Variants in GMDS observed in about 807,000 individuals in gnomAD.
GMDS encodes GDP-mannose 4,6-dehydratase, also known as GDP-mannose 4,6 dehydratase.
A neutral mutation model predicts 49.9 loss-of-function variants in GMDS; 20 were observed. The observed-to-expected ratio is 0.40, with a 90% CI of 0.28 to 0.58. The LOEUF (loss-of-function observed/expected upper bound fraction) is 0.58. Ranked by LOEUF, GMDS falls within the 20% of genes least tolerant of loss-of-function variation. The pLI is 0.42. For synonymous variants in GMDS, 177 were observed against 178.6 expected (o/e 0.99, Z 0.07); for missense variants, 362 against 481.4 (o/e 0.75, Z 2.32).
rs1356839222 is a variant in GMDS, at chr6:1,859,104, C to T, written c.771+70999G>A. On this transcript the variant is annotated intron_variant, in intron 7 of 10. Coordinates refer to ENST00000380815, the MANE Select transcript of GMDS (RefSeq NM_001500.4). ...ACAGAGATGGTGCTTCCAGCCAGCC[C>T]TGGCAGTAGCTGATTGACTAGCAAA... Among the ~76,000 whole-genome samples the T allele has an allele frequency of 2.0e-5, 3 of 152,172 alleles. No homozygotes were observed. In the East Asian group the frequency reaches 5.8e-4, roughly 29 times the overall value.
chr6:1,908,426 T>C (rs1760886631), intron 7 of GMDS, among the ~76,000 whole-genome samples: 1 of 152,220 alleles, frequency 6.6e-6, no homozygotes, highest in Admixed American at 6.5e-5. Flanking sequence ...CTAATGTTTC[T>C]CTGTCCCAAG....
chr6:2,170,128 G>A (rs576469642), intron 1 of GMDS, among the ~76,000 whole-genome samples: 30 of 152,000 alleles, frequency 2.0e-4, no homozygotes, highest in African/African-American at 6.8e-4. Context: ...GCTTGAACCC[G>A]GGAGGTGGAG....
intron 4 of GMDS, among the ~76,000 whole-genome samples, chr6:1,980,109 C>T (rs1265822551): frequency 6.6e-6 from 1 of 152,170 alleles, no homozygotes; most frequent in African/African-American, 2.4e-5. Flanking sequence ...AGTACACAGA[C>T]CAGTGACACT....
At chr6:1,853,567 A>AGT (rs70992106) in intron 7 of GMDS, among the ~76,000 whole-genome samples, 9,874 of 146,696 alleles carry the variant, frequency 0.067, 399 homozygotes, top group South Asian at 0.16. Context: ...AACTCATATG[A>AGT]GTGTGTGTGT....
At chr6:1,853,128 T>A (rs932872304) in intron 7 of GMDS, among the ~76,000 whole-genome samples, 3 of 152,104 alleles carry the variant, frequency 2.0e-5, no homozygotes, top group African/African-American at 7.2e-5. Flanking sequence ...TCCTACTCAC[T>A]AAGGGCATAC....
intron 8 of GMDS, among the ~76,000 whole-genome samples, chr6:1,741,235 T>C (rs1293982444): frequency 6.6e-6 from 1 of 152,214 alleles, no homozygotes; most frequent in African/African-American, 2.4e-5. Flanking sequence ...ACAATAGGTA[T>C]TGTTAACCTT....
intron 1 of GMDS, among the ~76,000 whole-genome samples, chr6:2,243,109 G>A (rs1038034574): frequency 6.6e-6 from 1 of 152,222 alleles, no homozygotes; most frequent in Non-Finnish European, 1.5e-5. Flanking sequence ...AGATGCCGGA[G>A]GGAAGAAAGA....
chr6:1,733,669 T>C (rs528257262), intron 8 of GMDS, among the ~76,000 whole-genome samples: 93 of 152,126 alleles, frequency 6.1e-4, no homozygotes, highest in Non-Finnish European at 2.1e-4. Context: ...ATACAAAAAT[T>C]AGCTGGGCCT....
chr6:2,203,205 G>A (rs1245537756), intron 1 of GMDS, among the ~76,000 whole-genome samples: 1 of 152,072 alleles, frequency 6.6e-6, no homozygotes, highest in African/African-American at 2.4e-5. Context: ...GGGTTGGGGG[G>A]TAGTTAACGT....
At chr6:2,201,767 G>A (rs1402410462) in intron 1 of GMDS, among the ~76,000 whole-genome samples, 14 of 126,208 alleles carry the variant, frequency 1.1e-4, no homozygotes, top group Admixed American at 4.9e-4. Flanking sequence ...TGAAGACAGA[G>A]CACCACATGG....
intron 9 of GMDS, among the ~76,000 whole-genome samples, chr6:1,706,293 A>C (rs1765733837): frequency 6.6e-6 from 1 of 152,296 alleles, no homozygotes; most frequent in African/African-American, 2.4e-5. Flanking sequence ...GGAATACAAG[A>C]AGTAAGCCAC....
intron 1 of GMDS, among the ~76,000 whole-genome samples, chr6:2,231,210 T>C (rs1046098449): frequency 1.3e-5 from 2 of 151,994 alleles, no homozygotes; most frequent in African/African-American, 4.8e-5. Flanking sequence ...CTGTAAGGAT[T>C]CCCTGGGTAT....
intron 9 of GMDS, among the ~76,000 whole-genome samples, chr6:1,669,200 G>A (rs1348121989): frequency 1.3e-5 from 2 of 152,236 alleles, no homozygotes; most frequent in Non-Finnish European, 2.9e-5. Context: ...GCAAAGCAGG[G>A]TTGGGCAGGC....
intron 4 of GMDS, among the ~76,000 whole-genome samples, chr6:2,091,361 C>T (rs1773302249): frequency 6.6e-6 from 1 of 152,190 alleles, no homozygotes; most frequent in Admixed American, 6.5e-5. Context: ...CCTCTTTGGA[C>T]TATCAGGATC....
At chr6:2,170,483 T>C (rs1490844341) in intron 1 of GMDS, among the ~76,000 whole-genome samples, 4 of 151,872 alleles carry the variant, frequency 2.6e-5, no homozygotes, top group African/African-American at 9.7e-5. Flanking sequence ...AAAAATTAGA[T>C]GGGCATAGTG....
Position 2,150,512 on chromosome 6 carries a change from A to G in GMDS, c.103-25781T>C, listed in dbSNP as rs946956011. On this transcript the variant is annotated intron_variant, in intron 1 of 10. Transcript: ENST00000380815. ...GAATTCTAGGGATGTGGATTCCAGT[A>G]TCAGATTAGCTTTACCATTTATAAC... Among the ~76,000 whole-genome samples, 6 of 152,248 alleles carry G rather than the reference A, an allele frequency of 3.9e-5. No homozygotes were observed. In the South Asian group the frequency reaches 1.2e-3, roughly 31 times the overall value.
chr6:2,056,358 G>A (rs1476935082), intron 4 of GMDS, among the ~76,000 whole-genome samples: 1 of 152,174 alleles, frequency 6.6e-6, no homozygotes, highest in African/African-American at 2.4e-5. Context: ...CAGAGCTCTT[G>A]CTATTAGCCA....
chr6:1,726,892 ATAAAT>A, intron 8 of GMDS, among the ~76,000 whole-genome samples: 1 of 151,882 alleles, frequency 6.6e-6, no homozygotes, highest in Non-Finnish European at 1.5e-5. Context: ...ATTAATTAAT[ATAAAT>A]TAATGTCTTC....
intron 4 of GMDS, among the ~76,000 whole-genome samples, chr6:1,980,680 C>CTCAG (rs1765173812): frequency 6.6e-6 from 1 of 152,192 alleles, no homozygotes; most frequent in Admixed American, 6.5e-5. Context: ...TGGACCTGAA[C>CTCAG]TCAGCTCTGG....
Sources: allele counts gnomAD v4.1 joint callset (sites outside exome capture counted in the v4.1 genomes callset), GRCh38; gene constraint gnomAD v4.1.1; transcripts MANE v1.5; gene names NCBI Gene and HGNC (gene_info 2026-07-23, HGNC 2026-07-21).